Variants in EIF5B observed in about 807,000 individuals in gnomAD.
EIF5B encodes eukaryotic translation initiation factor 5B, also known as eIF-5B.
In EIF5B, 47 loss-of-function variants were observed where a neutral mutation model predicts 147.5. That is an observed-to-expected ratio of 0.32 (90% CI 0.25 to 0.41). EIF5B has a LOEUF of 0.41. Among genes scored for constraint, EIF5B ranks in the 10% least tolerant of loss-of-function variants. The pLI, the probability that EIF5B is intolerant of heterozygous loss-of-function variation, is 1.00. For missense variants in EIF5B, 1,064 were observed against 1,413.2 expected, an observed-to-expected ratio of 0.75 and a Z score of 3.96; for synonymous variants, 455 against 456.2, an observed-to-expected ratio of 1.00 and a Z score of 0.03.
At chr2:99,383,445 AC>A (rs1261507656) in intron 14 of EIF5B, among the ~76,000 whole-genome samples, 3 of 152,082 alleles carry the variant, frequency 2.0e-5, no homozygotes, top group African/African-American at 7.2e-5. Context: ...GATTACAATG[AC>A]CTGTAAGTGT....
intron 22 of EIF5B, 25 bp from the exon 23 acceptor site, chr2:99,398,723 A>G (rs748281575): frequency 6.3e-7 from 1 of 1,595,920 alleles, no homozygotes. Flanking sequence ...TTCTGCATGC[A>G]TTTTAATTTG....
rs1225186968 is a variant in EIF5B, at chr2:99,369,461, C to T, written c.1457C>T (p.Thr486Ile). The T allele has an allele frequency of 6.2e-6, 10 of 1,609,896 alleles. No homozygotes were observed. Among genetic ancestry groups the T allele is most frequent in the Non-Finnish European group, 8.5e-6 (10 of 1,177,234 alleles). Residue 486 changes from threonine to isoleucine, a missense_variant, in exon 8 of 24, where the codon ACA becomes ATA. Physicochemically the swap from Thr to Ile is moderately conservative, Grantham distance 89. Coordinates refer to ENST00000289371, the MANE Select transcript of EIF5B (RefSeq NM_015904.4). ...CAAGGAGTACCAGAAAAGGAAGAGA[C>T]ACCACCTCCTGTTGAACCAGGCGGG... ...MEQGVPEKEETPPPVEPEEEE... is the reference protein window; with the variant it reads ...MEQGVPEKEEIPPPVEPEEEE...
chr2:99,401,172 G>T lies in EIF5B; in HGVS notation c.*1758G>T. 2 of 889,218 alleles carry T rather than the reference G, an allele frequency of 2.2e-6. No homozygotes were observed. Among genetic ancestry groups the T allele is most frequent in the Non-Finnish European group, 3.7e-6 (2 of 535,468 alleles). The allele number at this position is 889,218 out of a possible 1,614,324, so 55.1% of individuals were successfully genotyped here. A position where few individuals can be genotyped will look rare whatever the true frequency, so the allele number is the denominator to read the frequency against. ...TAAAAACTCCGAGCATTACTATCAT[G>T]CACTTTGCAAATACCTCACAAGCAC... is the stretch of plus-strand genomic sequence containing the variant. On this transcript the variant is annotated 3_prime_UTR_variant, in exon 24 of 24. Transcript: ENST00000289371.
At chr2:99,345,588 T>G (rs2094270915) in intron 1 of EIF5B, among the ~76,000 whole-genome samples, 3 of 98,136 alleles carry the variant, frequency 3.1e-5, no homozygotes, top group Non-Finnish European at 4.6e-5. Context: ...AGTGAGACTG[T>G]CTCAAAAAAA....
chr2:99,390,152 G>T, intron 15 of EIF5B, 67 bp from the exon 16 acceptor site: 11 of 1,571,526 alleles, frequency 7.0e-6, no homozygotes, highest in Non-Finnish European at 8.7e-6. Context: ...CCGGCTTCTA[G>T]TGAGGCACAC....
intron 14 of EIF5B, 75 bp from the exon 15 acceptor site, chr2:99,389,643 T>C: frequency 1.4e-6 from 2 of 1,411,318 alleles, no homozygotes; most frequent in East Asian, 4.7e-5. Flanking sequence ...CATGAGGAAT[T>C]TTCTGGAGCT....
At chr2:99,365,244 A>G (rs935142530) in intron 6 of EIF5B, among the ~76,000 whole-genome samples, 2 of 152,044 alleles carry the variant, frequency 1.3e-5, no homozygotes, top group African/African-American at 2.4e-5. Flanking sequence ...GACATTGTCT[A>G]TTTTTCCCTC....
intron 1 of EIF5B, among the ~76,000 whole-genome samples, chr2:99,340,419 A>G (rs1476310574): frequency 1.3e-5 from 2 of 152,178 alleles, no homozygotes. Context: ...TAAAGATTTT[A>G]CTGTCATTCC....
Position 99,389,798 on chromosome 2 carries a change from A to C in EIF5B, c.2352A>C (p.Lys784Asn). Reference protein sequence around the residue: ...ATLKKQKKNTKDEFEERAKAI... With the variant: ...ATLKKQKKNTNDEFEERAKAI... ...TAAAGAAGCAGAAAAAGAATACAAA[A>C]GATGAATTTGAGGAGCGAGCAAAGG... The change falls in exon 15 of 24, where the codon AAA becomes AAC. Residue 784 changes from lysine (K) to asparagine (N), a missense_variant. By Grantham distance (94) the Lys-to-Asn change is moderately conservative (BLOSUM62 0). Transcript: ENST00000289371. 6.2e-7 allele frequency: 1 copy of C among 1,613,676 alleles called. No homozygotes were observed. The highest frequency in any genetic ancestry group is 1.1e-5 in the South Asian group (1 of 91,002).
chr2:99,397,929 G>C (rs62155787), intron 22 of EIF5B: 2 of 139,020 alleles, frequency 1.4e-5, no homozygotes, highest in East Asian at 3.9e-4. Context: ...TAGACTCAGT[G>C]GGTTTTTTTT....
At position 99,360,564 on chromosome 2, in the gene EIF5B, T is replaced by A; in HGVS notation, c.246+15T>A. The A allele has an allele frequency of 6.2e-7, 1 of 1,602,622 alleles. No individual in the cohort carries two copies. The highest frequency in any genetic ancestry group is 1.1e-5 in the South Asian group (1 of 88,404). On this transcript the variant is annotated intron_variant, in intron 3 of 23. Coordinates refer to ENST00000289371, the MANE Select transcript of EIF5B (RefSeq NM_015904.4). ...TTGCAGTGAAGGTGAAAGACAGACCTTTGTTACCTATTCGTATTTCGTATT... is the reference window on the plus strand; with the variant it reads ...TTGCAGTGAAGGTGAAAGACAGACCATTGTTACCTATTCGTATTTCGTATT...
chr2:99,358,389 T>G (rs1016704150), intron 1 of EIF5B, among the ~76,000 whole-genome samples: 4 of 152,156 alleles, frequency 2.6e-5, no homozygotes, highest in African/African-American at 7.2e-5. Context: ...TTGGATTATG[T>G]CAGCAGAAGT....
chr2:99,370,532 G>A (rs894831386), intron 8 of EIF5B, among the ~76,000 whole-genome samples: 9 of 152,196 alleles, frequency 5.9e-5, no homozygotes, highest in African/African-American at 2.2e-4. Context: ...CGAGATTAGA[G>A]AAATTTAGAT....
At chr2:99,389,958 C>T (rs566777822) in intron 15 of EIF5B, 109 bp downstream of exon 15, 1 of 1,391,200 alleles carries the variant, frequency 7.2e-7, no homozygotes, top group Non-Finnish European at 9.7e-7. Context: ...CCTCTGTTGA[C>T]AGCAATTACT....
chr2:99,338,937 TAC>T (rs1559240086), intron 1 of EIF5B, among the ~76,000 whole-genome samples: 2 of 134,692 alleles, frequency 1.5e-5, no homozygotes, highest in African/African-American at 5.5e-5. Context: ...TATATATATA[TAC>T]AAATATATAT....
intron 1 of EIF5B, among the ~76,000 whole-genome samples, chr2:99,338,975 T>C (rs1236084561): frequency 6.9e-6 from 1 of 144,208 alleles, no homozygotes; most frequent in African/African-American, 2.5e-5. Context: ...AATATATATA[T>C]ATACAAATAT....
rs550019304 is a variant in EIF5B, at chr2:99,395,610, T to C, written c.3254+727T>C. ...TCTGCCTCCCAAAGTGCTGGGATTATAGGTGTAAGCCACTGTGCCTGGTCT... is the reference window on the plus strand; with the variant it reads ...TCTGCCTCCCAAAGTGCTGGGATTACAGGTGTAAGCCACTGTGCCTGGTCT... On this transcript the variant is annotated intron_variant, in intron 21 of 23. Transcript: ENST00000289371. 5.9e-5 allele frequency among the ~76,000 whole-genome samples: 9 copies of C among 152,294 alleles called. No homozygotes were observed. In the South Asian group the frequency reaches 1.9e-3, roughly 32 times the overall value.
At chr2:99,369,322 C>A in intron 7 of EIF5B, 70 bp from the exon 8 acceptor site, 1 of 1,223,624 alleles carries the variant, frequency 8.2e-7, no homozygotes, top group Non-Finnish European at 1.2e-6. Context: ...TTATTCAGTA[C>A]TTAATGGAGT....
At chr2:99,345,242 T>G (rs1208724301) in intron 1 of EIF5B, among the ~76,000 whole-genome samples, 1 of 152,210 alleles carries the variant, frequency 6.6e-6, no homozygotes, top group Non-Finnish European at 1.5e-5. Flanking sequence ...ATGAGAGTCG[T>G]GATTGCCACT....
Sources: allele counts gnomAD v4.1 joint callset (sites outside exome capture counted in the v4.1 genomes callset), GRCh38; gene constraint gnomAD v4.1.1; transcripts MANE v1.5; gene names NCBI Gene and HGNC (gene_info 2026-07-23, HGNC 2026-07-21).